The following ANKS1B variants were observed in gnomAD, a reference collection of about 807,000 sequenced individuals.
ANKS1B encodes ankyrin repeat and sterile alpha motif domain-containing protein 1B.
ANKS1B carries 36 observed loss-of-function variants against 148.3 expected under a neutral mutation model. The ratio of observed to expected loss-of-function variants is 0.24; its 90% CI spans 0.19 to 0.32. The LOEUF (loss-of-function observed/expected upper bound fraction) is 0.32, where lower values mean the gene tolerates loss of function less well. Among genes scored for constraint, ANKS1B ranks in the 10% least tolerant of loss-of-function variants. ANKS1B has a pLI of 1.00. For missense variants in ANKS1B, 1,157 were observed against 1,542.6 expected (o/e 0.75, Z 4.19); for synonymous variants, 542 against 560.8 (o/e 0.97, Z 0.47).
At chr12:99,369,221 T>G (rs929500901) in intron 12 of ANKS1B, among the ~76,000 whole-genome samples, 6 of 152,210 alleles carry the variant, frequency 3.9e-5, no homozygotes, top group African/African-American at 1.4e-4. Flanking sequence ...GAATCACCTA[T>G]GAAGTACCAT....
intron 9 of ANKS1B, among the ~76,000 whole-genome samples, chr12:99,552,540 A>ATT (rs2097231150): frequency 6.6e-6 from 1 of 152,268 alleles, no homozygotes; most frequent in Non-Finnish European, 1.5e-5. Context: ...TCAAATGAAC[A>ATT]TGGCATCCTG....
chr12:99,120,341 T>A (rs930976544), intron 15 of ANKS1B, among the ~76,000 whole-genome samples: 1 of 152,188 alleles, frequency 6.6e-6, no homozygotes, highest in Non-Finnish European at 1.5e-5. Flanking sequence ...CAGGAAATGG[T>A]GTAACTTGAG....
chr12:99,071,432 A>G (rs2046239063), intron 16 of ANKS1B, among the ~76,000 whole-genome samples: 1 of 152,230 alleles, frequency 6.6e-6, no homozygotes, highest in Non-Finnish European at 1.5e-5. Flanking sequence ...GCTGTTTTAC[A>G]GTTTTCGTGT....
At chr12:99,287,086 G>A (rs1198667599) in intron 12 of ANKS1B, among the ~76,000 whole-genome samples, 3 of 150,254 alleles carry the variant, frequency 2.0e-5, no homozygotes, top group Non-Finnish European at 4.4e-5. Context: ...GACACCTCAG[G>A]ACATTGACAA....
At chr12:98,939,720 C>G (rs2099833080) in intron 17 of ANKS1B, among the ~76,000 whole-genome samples, 1 of 152,150 alleles carries the variant, frequency 6.6e-6, no homozygotes, top group South Asian at 2.1e-4. Flanking sequence ...TTCAAATTGT[C>G]ACAAGTTCTT....
At chr12:98,967,559 G>T (rs976666742) in intron 17 of ANKS1B, among the ~76,000 whole-genome samples, 1 of 150,186 alleles carries the variant, frequency 6.7e-6, no homozygotes, top group Non-Finnish European at 1.5e-5. Context: ...CCTGGCCAGT[G>T]GTTTTCCTTT....
intron 14 of ANKS1B, among the ~76,000 whole-genome samples, chr12:99,177,831 A>C (rs2078593141): frequency 6.6e-6 from 1 of 152,182 alleles, no homozygotes; most frequent in Non-Finnish European, 1.5e-5. Flanking sequence ...ACTGCTTTGT[A>C]ATCAGCAGAT....
intron 10 of ANKS1B, among the ~76,000 whole-genome samples, chr12:99,459,974 T>C (rs540647037): frequency 2.0e-5 from 3 of 151,536 alleles, no homozygotes; most frequent in African/African-American, 7.3e-5. Flanking sequence ...AAAGAACAAA[T>C]CCAGAGGCAT....
In ANKS1B at chr12:98,744,447, A is replaced by G; in HGVS notation, c.*1292T>C. 1.3e-6 allele frequency: 1 copy of G among 760,594 alleles called. No homozygotes were observed. Among genetic ancestry groups the G allele is most frequent in the Non-Finnish European group, 1.6e-6 (1 of 624,738 alleles). 47.1% of individuals were successfully genotyped at this position (760,594 alleles called of 1,614,324 possible). Reference sequence around the variant, plus strand: ...GAACTTCAAAATGATTCACAATATGATTGTTAGAACAATATACATTAAAAT... The same window carrying G: ...GAACTTCAAAATGATTCACAATATGGTTGTTAGAACAATATACATTAAAAT... On this transcript the variant is annotated 3_prime_UTR_variant, in exon 27 of 27. Transcript: ENST00000683438.
At chr12:98,863,525 G>T (rs1347825744) in intron 17 of ANKS1B, among the ~76,000 whole-genome samples, 6 of 152,142 alleles carry the variant, frequency 3.9e-5, no homozygotes, top group African/African-American at 9.7e-5. Context: ...TGCTTTATGG[G>T]GTGCATGAAA....
chr12:99,136,540 G>A (rs1224406627), intron 15 of ANKS1B, among the ~76,000 whole-genome samples: 1 of 152,180 alleles, frequency 6.6e-6, no homozygotes, highest in Non-Finnish European at 1.5e-5. Flanking sequence ...TGCAACTGTA[G>A]TGTGGGTAGA....
intron 17 of ANKS1B, among the ~76,000 whole-genome samples, chr12:98,980,397 G>A (rs1211192755): frequency 1.3e-5 from 2 of 152,214 alleles, no homozygotes; most frequent in East Asian, 1.9e-4. Flanking sequence ...TAGTAGAGAC[G>A]GGGTTTCACC....
intron 17 of ANKS1B, among the ~76,000 whole-genome samples, chr12:98,840,217 CA>C (rs2099398148): frequency 6.6e-6 from 1 of 152,220 alleles, no homozygotes; most frequent in Admixed American, 6.5e-5. Context: ...TTCCTACACA[CA>C]GTCTTGCCAC....
intron 17 of ANKS1B, among the ~76,000 whole-genome samples, chr12:98,962,515 C>A (rs771184286): frequency 6.6e-6 from 1 of 151,892 alleles, no homozygotes; most frequent in African/African-American, 2.4e-5. Flanking sequence ...GAGACTTCAA[C>A]AGTTTCAGCA....
intron 25 of ANKS1B, among the ~76,000 whole-genome samples, chr12:98,765,749 C>T (rs1192181708): frequency 6.6e-6 from 1 of 152,234 alleles, no homozygotes; most frequent in Non-Finnish European, 1.5e-5. Flanking sequence ...GTGTGCACCA[C>T]CATGCCAGGC....
chr12:99,394,574 C>A (rs889146728), intron 12 of ANKS1B, among the ~76,000 whole-genome samples: 220 of 152,164 alleles, frequency 1.4e-3, no homozygotes, highest in African/African-American at 5.1e-3. Context: ...CTAACTTAGT[C>A]CTCATCCTAC....
chr12:99,128,397 C>T (rs2372732), intron 15 of ANKS1B, among the ~76,000 whole-genome samples: 93,401 of 152,000 alleles, frequency 0.61, 29,063 homozygotes, highest in East Asian at 0.75. Context: ...AATTAGGACA[C>T]GGACCATGAA....
intron 1 of ANKS1B, among the ~76,000 whole-genome samples, chr12:99,829,328 G>A (rs757523478): frequency 1.3e-5 from 2 of 152,042 alleles, no homozygotes; most frequent in Admixed American, 6.5e-5. Flanking sequence ...AAGCCTGGCC[G>A]ACAAGGTGAA....
chr12:99,620,370 A>C (rs1407785237), intron 9 of ANKS1B, among the ~76,000 whole-genome samples: 1 of 152,200 alleles, frequency 6.6e-6, no homozygotes, highest in Non-Finnish European at 1.5e-5. Context: ...CTCTCCAGCA[A>C]TGGTCCCTAG....
Sources: allele counts gnomAD v4.1 joint callset (sites outside exome capture counted in the v4.1 genomes callset), GRCh38; gene constraint gnomAD v4.1.1; transcripts MANE v1.5; gene names NCBI Gene and HGNC (gene_info 2026-07-23, HGNC 2026-07-21).